The following LRFN2 variants were observed in gnomAD, a reference collection of about 807,000 sequenced individuals.
LRFN2 encodes leucine rich repeat and fibronectin type III domain containing 2.
Under a neutral mutation model 37.3 loss-of-function variants are expected in LRFN2, and 18 were observed. That is an observed-to-expected ratio of 0.48 (90% CI 0.33 to 0.72). The LOEUF (loss-of-function observed/expected upper bound fraction) is 0.72, where lower values mean the gene tolerates loss of function less well. Ranked by LOEUF, LRFN2 falls within the 30% of genes least tolerant of loss-of-function variation. LRFN2 has a pLI of 0.02. For missense variants in LRFN2, 1,006 were observed against 1,060.7 expected (o/e 0.95, Z 0.72); for synonymous variants, 556 against 466.6 (o/e 1.19, Z -2.47).
intron 2 of LRFN2, among the ~76,000 whole-genome samples, chr6:40,410,785 G>A (rs1020965238): frequency 1.3e-5 from 2 of 152,180 alleles, no homozygotes; most frequent in African/African-American, 4.8e-5. Context: ...TTAGGGGTTG[G>A]GGTCTCTGCC....
In LRFN2 at chr6:40,446,102, C is replaced by T. The variant is rs114726593; in HGVS notation, c.-18-12971G>A. On this transcript the variant is annotated intron_variant, in intron 1 of 2. Coordinates refer to ENST00000338305, the MANE Select transcript of LRFN2 (RefSeq NM_020737.3). ...AACATGTTCATAGAACTCAGCACCT[C>T]CTGGGGACCTCACCATTAGTTTAGG... is the stretch of plus-strand genomic sequence containing the variant. Among the ~76,000 whole-genome samples, 1,149 of 152,256 alleles carry T rather than the reference C, an allele frequency of 7.5e-3. 15 individuals are homozygous for T. Among genetic ancestry groups the T allele is most frequent in the African/African-American group, 0.026 (1,090 of 41,548 alleles).
intron 1 of LRFN2, among the ~76,000 whole-genome samples, chr6:40,540,733 C>T (rs1352832803): frequency 2.0e-5 from 3 of 152,314 alleles, no homozygotes; most frequent in South Asian, 4.1e-4. Context: ...TGGAGGGCAA[C>T]TCACCCAGCG....
intron 1 of LRFN2, among the ~76,000 whole-genome samples, chr6:40,514,975 C>T (rs1409700428): frequency 6.6e-6 from 1 of 152,254 alleles, no homozygotes; most frequent in Middle Eastern, 3.2e-3. Flanking sequence ...GGGCCAGCCA[C>T]CTGGGCAGCT....
chr6:40,535,233 A>G (rs1340681388), intron 1 of LRFN2, among the ~76,000 whole-genome samples: 1 of 152,128 alleles, frequency 6.6e-6, no homozygotes, highest in African/African-American at 2.4e-5. Context: ...CTGTCAAATG[A>G]GATGATGAAA....
intron 1 of LRFN2, among the ~76,000 whole-genome samples, chr6:40,581,172 AG>A (rs1159729760): frequency 1.3e-5 from 2 of 152,194 alleles, no homozygotes; most frequent in Non-Finnish European, 2.9e-5. Flanking sequence ...GAAAAGCCTC[AG>A]GTCAGTGCTG....
At chr6:40,559,563 G>A (rs1312653312) in intron 1 of LRFN2, among the ~76,000 whole-genome samples, 1 of 152,054 alleles carries the variant, frequency 6.6e-6, no homozygotes, top group Non-Finnish European at 1.5e-5. Flanking sequence ...GAGGGAAGAG[G>A]GACCGAGGGG....
chr6:40,410,884 G>C (rs1164177638), intron 2 of LRFN2, among the ~76,000 whole-genome samples: 1 of 152,190 alleles, frequency 6.6e-6, no homozygotes, highest in Admixed American at 6.5e-5. Flanking sequence ...GCACCATCCT[G>C]ATTTTGCCTG....
chr6:40,577,187 C>T (rs1767301997), intron 1 of LRFN2, among the ~76,000 whole-genome samples: 1 of 151,658 alleles, frequency 6.6e-6, no homozygotes, highest in African/African-American at 2.4e-5. Context: ...CTGCAACTTC[C>T]ACCTCCTGGG....
intron 1 of LRFN2, among the ~76,000 whole-genome samples, chr6:40,457,538 T>C (rs143477691): frequency 6.7e-6 from 1 of 149,488 alleles, no homozygotes; most frequent in African/African-American, 2.5e-5. Flanking sequence ...CTTGAGAGGC[T>C]GAGGCAGGAG....
rs554748028 is a variant in LRFN2, at chr6:40,444,890, G to A, written c.-18-11759C>T. Among the ~76,000 whole-genome samples, 10 of 142,676 alleles carry A rather than the reference G, an allele frequency of 7.0e-5. No individual in the cohort carries two copies. The South Asian group carries it at 2.0e-3, about 29-fold the overall frequency. 93.6% of individuals were successfully genotyped at this position (142,676 alleles called of 152,430 possible). ...TGCTTCTCCATTTCCTCCTGCCTCT[G>A]TCTTCTTCATGATTTTTTTTTTTAT... is the stretch of plus-strand genomic sequence containing the variant. On this transcript the variant is annotated intron_variant, in intron 1 of 2. Coordinates refer to ENST00000338305, the MANE Select transcript of LRFN2 (RefSeq NM_020737.3).
chr6:40,511,582 C>A (rs967460466), intron 1 of LRFN2, among the ~76,000 whole-genome samples: 7 of 152,142 alleles, frequency 4.6e-5, no homozygotes, highest in African/African-American at 1.7e-4. Context: ...ATGTGCCACC[C>A]TCTCTGTCTG....
At chr6:40,508,387 C>T (rs1463174384) in intron 1 of LRFN2, among the ~76,000 whole-genome samples, 1 of 152,188 alleles carries the variant, frequency 6.6e-6, no homozygotes, top group Admixed American at 6.5e-5. Flanking sequence ...CTCTTTCCTT[C>T]CTCTGCTCAT....
At chr6:40,496,384 C>A (rs934434515) in intron 1 of LRFN2, among the ~76,000 whole-genome samples, 5 of 152,302 alleles carry the variant, frequency 3.3e-5, no homozygotes, top group Middle Eastern at 6.8e-3. Flanking sequence ...GTGGTTCCCG[C>A]TGCACCAGGG....
intron 1 of LRFN2, among the ~76,000 whole-genome samples, chr6:40,566,763 T>G (rs1767097798): frequency 6.6e-6 from 1 of 151,594 alleles, no homozygotes; most frequent in South Asian, 2.1e-4. Context: ...AGGAATAGCA[T>G]TAGGAGATAT....
chr6:40,456,650 G>A (rs1463543752), intron 1 of LRFN2, among the ~76,000 whole-genome samples: 2 of 152,150 alleles, frequency 1.3e-5, no homozygotes, highest in Non-Finnish European at 2.9e-5. Context: ...ATCCCTGAAG[G>A]GAATATTTAA....
intron 1 of LRFN2, among the ~76,000 whole-genome samples, chr6:40,572,091 G>T (rs1032447309): frequency 1.3e-5 from 2 of 152,234 alleles, no homozygotes; most frequent in African/African-American, 4.8e-5. Context: ...ACAGCGTGAT[G>T]GTTGAGGGTG....
intron 1 of LRFN2, among the ~76,000 whole-genome samples, chr6:40,542,329 C>A (rs1766568804): frequency 6.6e-6 from 1 of 151,990 alleles, no homozygotes; most frequent in Non-Finnish European, 1.5e-5. Context: ...GTGGCGGTGG[C>A]AGCAGGGGGT....
Position 40,392,209 on chromosome 6 carries a change from G to A in LRFN2, c.2104C>T (p.Pro702Ser), listed in dbSNP as rs1435066455. Residue 702 changes from proline (P) to serine (S), a missense_variant, in exon 3 of 3, where the codon CCT (proline) becomes TCT (serine). Pro to Ser is a moderately conservative substitution (Grantham distance 74). Transcript: ENST00000338305. The surrounding 1 kb of genome is among the most constrained non-coding windows in gnomAD (Gnocchi z 4.7). ...HSDREPLLGP[P>S]AARARSLLPL... ...AGCAGGCTCCTGGCCCGGGCCGCAG[G>A]GGGCCCCAGCAGTGGCTCTCGGTCC... is the stretch of plus-strand genomic sequence containing the variant. The A allele has an allele frequency of 1.3e-6, 2 of 1,571,194 alleles. No individual in the cohort carries two copies. The highest frequency in any genetic ancestry group is 8.6e-7 in the Non-Finnish European group (1 of 1,159,370).
chr6:40,451,473 G>A (rs1461731489), intron 1 of LRFN2, among the ~76,000 whole-genome samples: 1 of 152,164 alleles, frequency 6.6e-6, no homozygotes, highest in Non-Finnish European at 1.5e-5. Flanking sequence ...GAGATAAACA[G>A]GGGAAGGGAC....
Sources: gnomAD v4.1 joint callset for allele counts (sites outside exome capture counted in the v4.1 genomes callset) on GRCh38, gnomAD v4.1.1 for gene constraint, Gnocchi (gnomAD v3.1) non-coding constraint, MANE v1.5 for transcripts, NCBI Gene and HGNC (gene_info 2026-07-23, HGNC 2026-07-21) for gene names.